ZC4H2: variants seen among roughly 807,000 people sequenced by gnomAD.
The protein encoded by ZC4H2 is zinc finger C4H2-type containing, also known as zinc finger C4H2 domain-containing protein.
For missense variants in ZC4H2, 137 were observed against 173.9 expected (o/e 0.79, Z 1.19); for synonymous variants, 84 against 66.3 (o/e 1.27, Z -1.30).
rs1365667918 is a variant in ZC4H2, at chrX:64,916,386, G to A, written c.*1397C>T. ...ACAAGAGCTACCCAGAAAGGTAAAT[G>A]ACATTACATCTTTTGTATTATCCAA... is the stretch of plus-strand genomic sequence containing the variant. On this transcript the variant is annotated 3_prime_UTR_variant, in exon 5 of 5. Transcript: ENST00000374839. 4 of 111,701 alleles carry A rather than the reference G, an allele frequency of 3.6e-5. No individual in the cohort carries two copies. 9.2% of individuals were successfully genotyped at this position (111,701 alleles called of 1,213,427 possible).
chrX:65,020,765 G>A (rs939091215), intron 1 of ZC4H2, among the ~76,000 whole-genome samples: 4 of 111,575 alleles, frequency 3.6e-5, no homozygotes, highest in East Asian at 5.6e-4. Context: ...AAGTCCCATC[G>A]AAGTGCTGTA....
chrX:64,927,923 C>T (rs751448739), intron 1 of ZC4H2, among the ~76,000 whole-genome samples: 2 of 112,429 alleles, frequency 1.8e-5, no homozygotes, highest in South Asian at 7.3e-4. Flanking sequence ...ACTTAAGTGT[C>T]TTCTTTTGAG....
At chrX:64,955,251 T>C (rs1931108625) in intron 1 of ZC4H2, among the ~76,000 whole-genome samples, 1 of 111,911 alleles carries the variant, frequency 8.9e-6, no homozygotes, top group Admixed American at 9.5e-5. Flanking sequence ...TATAAGAATT[T>C]CATTCAGTTG....
At chrX:64,970,791 C>A (rs182935414) in intron 1 of ZC4H2, among the ~76,000 whole-genome samples, 64 of 111,459 alleles carry the variant, frequency 5.7e-4, no homozygotes, top group African/African-American at 1.6e-3. Flanking sequence ...TCTGGTGGAA[C>A]GGAAATATAT....
chrX:64,976,739 G>A (rs1378476660), upstream of ZC4H2, among the ~76,000 whole-genome samples: 1 of 111,846 alleles, frequency 8.9e-6, no homozygotes, highest in East Asian at 2.8e-4. Context: ...AAGGCAATTG[G>A]AGAGATGAGA....
In ZC4H2 at chrX:64,966,875, T is replaced by C. The variant is rs1931611095; in HGVS notation, c.53+9450A>G. 2.7e-5 allele frequency among the ~76,000 whole-genome samples: 3 copies of C among 112,009 alleles called. No homozygotes were observed. The Admixed American group carries it at 2.8e-4, about 11-fold the overall frequency. On this transcript the variant is annotated intron_variant, in intron 1 of 4. Transcript: ENST00000374839. ...ATTTTCTAAAATATTATGGTGATGA[T>C]TGTACAACTCTTTAAATTTATTAAA... is the stretch of plus-strand genomic sequence containing the variant.
At chrX:64,954,009 T>A (rs1357924811) in intron 1 of ZC4H2, among the ~76,000 whole-genome samples, 1 of 109,300 alleles carries the variant, frequency 9.1e-6, no homozygotes, top group South Asian at 3.9e-4. Context: ...TGAGTTCATG[T>A]CCTTTGTAGG....
intron 1 of ZC4H2, among the ~76,000 whole-genome samples, chrX:65,024,878 G>A (rs761465690): frequency 3.6e-5 from 4 of 111,303 alleles, no homozygotes; most frequent in Admixed American, 9.6e-5. Context: ...TAATATACAC[G>A]GTGACCTGCT....
intron 1 of ZC4H2, among the ~76,000 whole-genome samples, chrX:65,002,432 C>T (rs1246711248): frequency 9.2e-6 from 1 of 108,235 alleles, no homozygotes; most frequent in Non-Finnish European, 1.9e-5. Flanking sequence ...GCCGCCCCAT[C>T]CGGGAGGTGG....
chrX:64,954,245 C>T (rs1931025636), intron 1 of ZC4H2, among the ~76,000 whole-genome samples: 1 of 97,200 alleles, frequency 1.0e-5, no homozygotes, highest in Non-Finnish European at 2.0e-5. Context: ...GTGCAGCACA[C>T]CTACGTGGCA....
chrX:64,992,254 T>G (rs957034561), intron 1 of ZC4H2, among the ~76,000 whole-genome samples: 2 of 111,833 alleles, frequency 1.8e-5, no homozygotes, highest in African/African-American at 6.5e-5. Context: ...CTTTCATAAA[T>G]GAGACATTCA....
chrX:65,030,806 C>A (rs1423052071), intron 1 of ZC4H2, among the ~76,000 whole-genome samples: 1 of 111,262 alleles, frequency 9.0e-6, no homozygotes, highest in African/African-American at 3.3e-5. Flanking sequence ...TTCTGGATAT[C>A]TGATTAGATA....
At chrX:64,976,473 G>A, upstream of ZC4H2, 1 of 967,973 alleles carries the variant, frequency 1.0e-6, no homozygotes, top group Non-Finnish European at 1.5e-6. Context: ...CGGGCTTGGG[G>A]CTATGAGCCT....
intron 1 of ZC4H2, among the ~76,000 whole-genome samples, chrX:64,962,361 C>T (rs1449465474): frequency 2.7e-5 from 3 of 111,086 alleles, no homozygotes; most frequent in Non-Finnish European, 5.7e-5. Flanking sequence ...AATTCAACAC[C>T]CTTTCCTGAT....
chrX:65,019,440 G>C (rs748048446), intron 1 of ZC4H2, among the ~76,000 whole-genome samples: 28 of 112,202 alleles, frequency 2.5e-4, no homozygotes, highest in Non-Finnish European at 4.9e-4. Flanking sequence ...CTGCAGCAGA[G>C]GGGCCTGACT....
At position 64,916,947 on chromosome X, in the gene ZC4H2, G is replaced by C. The variant is rs1346604394; in HGVS notation, c.*836C>G. The C allele has an allele frequency of 8.9e-6, 1 of 112,203 alleles. No individual in the cohort carries two copies. Among genetic ancestry groups the C allele is most frequent in the Non-Finnish European group, 1.9e-5 (1 of 53,193 alleles). The allele number at this position is 112,203 out of a possible 1,213,427, so 9.2% of individuals were successfully genotyped here. A position where few individuals can be genotyped will look rare whatever the true frequency, so the allele number is the denominator to read the frequency against. ...GCCAGAGTAATGGTTCTGAACAAAA[G>C]CCAACACAGATGTCAGCCTGGGGGC... On this transcript the variant is annotated 3_prime_UTR_variant, in exon 5 of 5. Transcript: ENST00000374839.
At chrX:64,956,674 A>C in intron 1 of ZC4H2, among the ~76,000 whole-genome samples, 1 of 112,049 alleles carries the variant, frequency 8.9e-6, no homozygotes, top group East Asian at 2.8e-4. Flanking sequence ...GAGCTCTTGC[A>C]TTAGGCCCTA....
chrX:64,948,945 C>G (rs996054525), intron 1 of ZC4H2, among the ~76,000 whole-genome samples: 2 of 111,578 alleles, frequency 1.8e-5, no homozygotes, highest in Non-Finnish European at 3.8e-5. Context: ...TGTCTGTAAA[C>G]ATATTGACTA....
At position 64,933,075 on chromosome X, in the gene ZC4H2, T is replaced by C. The variant is rs192504711; in HGVS notation, c.54-11087A>G. On this transcript the variant is annotated intron_variant, in intron 1 of 4. Coordinates refer to ENST00000374839, the MANE Select transcript of ZC4H2 (RefSeq NM_018684.4). ...TTTATTTCATTCTTTTTTATTTGTA[T>C]TTGTCTGTTTGGGTTATTTCGAAAG... Among the ~76,000 whole-genome samples, 5 of 111,878 alleles carry C rather than the reference T, an allele frequency of 4.5e-5. No individual in the cohort carries two copies. The East Asian group carries it at 8.4e-4, about 19-fold the overall frequency.
Sources: allele counts gnomAD v4.1 joint callset (sites outside exome capture counted in the v4.1 genomes callset), GRCh38; gene constraint gnomAD v4.1.1; transcripts MANE v1.5; gene names NCBI Gene and HGNC (gene_info 2026-07-23, HGNC 2026-07-21).